GFRA3: variants seen among roughly 807,000 people sequenced by gnomAD.
The protein encoded by GFRA3 is GDNF family receptor alpha 3.
GFRA3 carries 24 observed loss-of-function variants against 40.0 expected under a neutral mutation model. That is an observed-to-expected ratio of 0.60 (90% CI 0.43 to 0.84). The LOEUF is 0.84. Among genes scored for constraint, GFRA3 ranks in the 40% least tolerant of loss-of-function variants. GFRA3 has a pLI of 0.00. For synonymous variants in GFRA3, 203 were observed against 213.5 expected (o/e 0.95, Z 0.43); for missense variants, 405 against 530.6 (o/e 0.76, Z 2.33).
intron 2 of GFRA3, among the ~76,000 whole-genome samples, chr5:138,262,295 C>G (rs1581510499): frequency 6.6e-6 from 1 of 152,216 alleles, no homozygotes; most frequent in South Asian, 2.1e-4. Flanking sequence ...GCCAAGAGCT[C>G]TGGAAAACAA....
intron 4 of GFRA3, among the ~76,000 whole-genome samples, chr5:138,255,113 G>C (rs113524394): frequency 0.039 from 5,898 of 150,596 alleles, 144 homozygotes; most frequent in African/African-American, 0.054. Context: ...AAAGAAGGAA[G>C]GAAGGAGGGA....
intron 3 of GFRA3, among the ~76,000 whole-genome samples, chr5:138,259,334 T>C (rs1755680111): frequency 6.6e-6 from 1 of 152,206 alleles, no homozygotes; most frequent in South Asian, 2.1e-4. Context: ...CCTAATGGGC[T>C]CTCTTCAAAT....
chr5:138,253,230 G>T, intron 7 of GFRA3, 57 bp downstream of exon 7: 1 of 1,171,826 alleles, frequency 8.5e-7, no homozygotes, highest in Non-Finnish European at 1.3e-6. Flanking sequence ...TGCCTAGTTT[G>T]GGTTTTCCCC....
At chr5:138,267,596 G>T in intron 1 of GFRA3, 1 of 212,688 alleles carries the variant, frequency 4.7e-6, no homozygotes, top group Non-Finnish European at 1.0e-5. Flanking sequence ...GTCAGACAAA[G>T]CACATCCGTC....
chr5:138,274,439 G>T lies in GFRA3; in HGVS notation c.-15C>A, dbSNP rs76693689. On this transcript the variant is annotated 5_prime_UTR_variant, in exon 1 of 8. Transcript: ENST00000274721. ...GGGCGCACCATGGCGAGCTGTAGGC[G>T]CCGGGCTCCGCGCTCCCCTCGCTCC... 3,984 of 1,292,102 alleles carry T rather than the reference G, an allele frequency of 3.1e-3. 21 individuals are homozygous for T. The highest frequency in any genetic ancestry group is 7.2e-3 in the Middle Eastern group (34 of 4,742). The allele number at this position is 1,292,102 out of a possible 1,614,324, so 80.0% of individuals were successfully genotyped here. A position where few individuals can be genotyped will look rare whatever the true frequency, so the allele number is the denominator to read the frequency against.
Position 138,264,505 on chromosome 5 carries a change from G to C in GFRA3, c.135C>G (p.Leu45=), listed in dbSNP as rs536166264. The C allele has an allele frequency of 2.5e-6, 4 of 1,612,766 alleles. No individual in the cohort carries two copies. The highest frequency in any genetic ancestry group is 1.3e-5 in the African/African-American group (1 of 75,028). The change falls in exon 2 of 8, where the codon CTC becomes CTG. Residue 45 remains leucine (L), a synonymous_variant. Coordinates refer to ENST00000274721, the MANE Select transcript of GFRA3 (RefSeq NM_001496.4). ...PTESRLMNSC[L]QARRKCQADP... ...CAGCCTGGCACTTCCTCCTGGCCTG[G>C]AGACAGCTGTTCATGAGTCGGCTTT...
intron 1 of GFRA3, among the ~76,000 whole-genome samples, chr5:138,273,224 G>A (rs1329212477): frequency 6.6e-6 from 1 of 152,122 alleles, no homozygotes; most frequent in African/African-American, 2.4e-5. Flanking sequence ...GTTGGTCTGT[G>A]CTCTTGAAGA....
At chr5:138,271,892 GTTT>G (rs772736464) in intron 1 of GFRA3, among the ~76,000 whole-genome samples, 5 of 59,680 alleles carry the variant, frequency 8.4e-5, no homozygotes, top group Admixed American at 1.9e-4. Context: ...TTTCTTTTCT[GTTT>G]TTTTTTTTTT....
chr5:138,254,149 AC>A lies in GFRA3; in HGVS notation c.796del (p.Val266TrpfsTer13). 6.3e-7 allele frequency: 1 copy of A among 1,584,400 alleles called. No individual in the cohort carries two copies. The highest frequency in any genetic ancestry group is 8.7e-7 in the Non-Finnish European group (1 of 1,154,990). ...FSDPLCRSRL[V>X]DFQTHCHPMD... ...GGGATGGCAGTGGGTCTGGAAATCC[AC>A]CAGGCGTGATCTGGAAGAAGGGAAA... On this transcript the variant is annotated frameshift_variant, in exon 5 of 8. Coordinates refer to ENST00000274721, the MANE Select transcript of GFRA3 (RefSeq NM_001496.4). LOFTEE classifies it high-confidence loss of function.
At chr5:138,259,946 G>A (rs1384971122) in intron 2 of GFRA3, among the ~76,000 whole-genome samples, 1 of 152,126 alleles carries the variant, frequency 6.6e-6, no homozygotes, top group African/African-American at 2.4e-5. Flanking sequence ...GCACTTACGC[G>A]ATGGTGCTCA....
At chr5:138,260,067 C>T (rs1161949844) in intron 2 of GFRA3, among the ~76,000 whole-genome samples, 1 of 152,100 alleles carries the variant, frequency 6.6e-6, no homozygotes, top group Non-Finnish European at 1.5e-5. Context: ...GTGTGGTAAA[C>T]TGTATTATTG....
At chr5:138,271,074 C>T (rs1457716674) in intron 1 of GFRA3, among the ~76,000 whole-genome samples, 1 of 151,834 alleles carries the variant, frequency 6.6e-6, no homozygotes, top group Non-Finnish European at 1.5e-5. Context: ...CTCACTGCAA[C>T]CTCTGCCTCC....
chr5:138,270,447 G>T (rs1267202227), intron 1 of GFRA3, among the ~76,000 whole-genome samples: 1 of 151,404 alleles, frequency 6.6e-6, no homozygotes, highest in Non-Finnish European at 1.5e-5. Context: ...TATTCTAAGT[G>T]AAGTAACTCA....
At chr5:138,258,253 T>C (rs1374206920) in intron 3 of GFRA3, among the ~76,000 whole-genome samples, 1 of 138,214 alleles carries the variant, frequency 7.2e-6, no homozygotes, top group Admixed American at 7.8e-5. Context: ...TGATCTCGGC[T>C]CACTGCAACC....
At chr5:138,271,892 GTTTTTTTTTTTTTT>G (rs772736464) in intron 1 of GFRA3, among the ~76,000 whole-genome samples, 5 of 59,686 alleles carry the variant, frequency 8.4e-5, no homozygotes, top group Non-Finnish European at 1.1e-4. Flanking sequence ...TTTCTTTTCT[GTTTTTTTTTTTTTT>G]TTTTTTTTGT....
rs1390820573 is a variant in GFRA3, at chr5:138,253,906, A to G, written c.890-6T>C. The G allele has an allele frequency of 6.2e-7, 1 of 1,613,106 alleles. No homozygotes were observed. Among genetic ancestry groups the G allele is most frequent in the Non-Finnish European group, 8.5e-7 (1 of 1,179,192 alleles). On this transcript the variant is annotated splice_region_variant and splice_polypyrimidine_tract_variant and intron_variant, in intron 5 of 7. Transcript: ENST00000274721. ...GTTGGGGGTCATGGCAGTCCCTGTG[A>G]AGAGGGAAAGGGTAGTCAAGGCCTA...
rs1226974440 is a variant in GFRA3, at chr5:138,274,367, G to A, written c.58C>T (p.Leu20=). ...LPPVVLMLLL[L]LPPSPLPLAA... The stretch of plus-strand genomic sequence containing the variant: ...AGAGGCAGCGGCGACGGCGGCAGCA[G>A]CAGCAGCAACATCAGGACTACGGGC... Residue 20 remains leucine (L), a synonymous_variant, in exon 1 of 8, where the codon CTG becomes TTG. Coordinates refer to ENST00000274721, the MANE Select transcript of GFRA3 (RefSeq NM_001496.4). The A allele has an allele frequency of 5.2e-6, 7 of 1,334,204 alleles. No individual in the cohort carries two copies. Among genetic ancestry groups the A allele is most frequent in the Non-Finnish European group, 6.7e-6 (7 of 1,038,450 alleles). 82.6% of individuals were successfully genotyped at this position (1,334,204 alleles called of 1,614,324 possible). A position where few individuals can be genotyped will look rare whatever the true frequency, so the allele number is the denominator to read the frequency against.
At chr5:138,254,283 G>A (rs758922665) in intron 4 of GFRA3, 123 bp from the exon 5 acceptor site, 177 of 652,180 alleles carry the variant, frequency 2.7e-4, no homozygotes, top group Middle Eastern at 8.0e-4. Flanking sequence ...TGCCTCCCAG[G>A]TTCAAACAAT....
rs1404579320 is a variant in GFRA3 at position 138,254,091 on chromosome 5, C to T, written c.855G>A (p.Gln285=). 4.3e-6 allele frequency: 7 copies of T among 1,612,702 alleles called. No homozygotes were observed. The highest frequency in any genetic ancestry group is 2.7e-5 in the African/African-American group (2 of 74,868). Residue 285 remains glutamine (Q), a synonymous_variant, in exon 5 of 8, where the codon CAG becomes CAA. Coordinates refer to ENST00000274721, the MANE Select transcript of GFRA3 (RefSeq NM_001496.4). Reference sequence around the variant, plus strand: ...CCAGGTATGCTCGTAGACATCTGGACTGCTCTGTTGCACAAGTTCCTAGGA... The same window carrying T: ...CCAGGTATGCTCGTAGACATCTGGATTGCTCTGTTGCACAAGTTCCTAGGA... ...MDILGTCATE[Q]SRCLRAYLGL...
Sources: allele counts gnomAD v4.1 joint callset (sites outside exome capture counted in the v4.1 genomes callset), GRCh38; gene constraint gnomAD v4.1.1; transcripts MANE v1.5; gene names NCBI Gene and HGNC (gene_info 2026-07-23, HGNC 2026-07-21).